Variants in KCNQ1 observed in about 807,000 individuals in gnomAD.
KCNQ1 encodes potassium voltage-gated channel subfamily Q member 1.
In KCNQ1, 49 loss-of-function variants were observed where a neutral mutation model predicts 72.4. That is an observed-to-expected ratio of 0.68 (90% CI 0.54 to 0.86). The LOEUF (loss-of-function observed/expected upper bound fraction) is 0.86. Ranked by LOEUF, KCNQ1 falls within the 40% of genes least tolerant of loss-of-function variation. The pLI, the probability that KCNQ1 is intolerant of heterozygous loss-of-function variation, is 0.00. For synonymous variants in KCNQ1, 450 were observed against 412.6 expected (o/e 1.09, Z -1.10); for missense variants, 790 against 945.1 (o/e 0.84, Z 2.15).
intron 1 of KCNQ1, among the ~76,000 whole-genome samples, chr11:2,500,995 A>G (rs1206748466): frequency 6.6e-6 from 1 of 152,210 alleles, no homozygotes; most frequent in Admixed American, 6.5e-5. Context: ...CATGTTCTGC[A>G]CATGTACCCC....
In KCNQ1 at chr11:2,787,584, A is replaced by G. The variant is rs1222808830; in HGVS notation, c.1794+9547A>G. On this transcript the variant is annotated intron_variant, in intron 15 of 15. Coordinates refer to ENST00000155840, the MANE Select transcript of KCNQ1 (RefSeq NM_000218.3). This position sits in a 1 kb window ranked among gnomAD's most constrained non-coding sequence, Gnocchi z 6.3. ...AAAGAAATAAGTAAAATTGATTACA[A>G]TAATATATTTTATTTAACCCAATAG... Among the ~76,000 whole-genome samples the G allele has an allele frequency of 6.6e-6, 1 of 152,226 alleles. No homozygotes were observed. Among genetic ancestry groups the G allele is most frequent in the Admixed American group, 6.5e-5 (1 of 15,286 alleles).
intron 11 of KCNQ1, among the ~76,000 whole-genome samples, chr11:2,731,899 G>C (rs929676177): frequency 2.0e-5 from 3 of 152,350 alleles, no homozygotes; most frequent in East Asian, 1.9e-4. Context: ...AATTCTGAGG[G>C]CCCTTTGGAT....
rs534764533 is a variant in KCNQ1 at position 2,549,517 on chromosome 11, G to A, written c.478-21111G>A. Among the ~76,000 whole-genome samples the A allele has an allele frequency of 4.4e-4, 67 of 152,310 alleles. No homozygotes were observed. The highest frequency in any genetic ancestry group is 1.4e-3 in the African/African-American group (59 of 41,568). ...CCCCCGGGGGCTGCAAAAGCAGAGG[G>A]AGTGGAGTGTCACCGGGTGTCCCGG... On this transcript the variant is annotated intron_variant, in intron 2 of 15. Coordinates refer to ENST00000155840, the MANE Select transcript of KCNQ1 (RefSeq NM_000218.3). The surrounding 1 kb of genome is among the most constrained non-coding windows in gnomAD (Gnocchi z 6.2).
At chr11:2,662,457 G>A (rs1055270971) in intron 11 of KCNQ1, 17 of 478,162 alleles carry the variant, frequency 3.6e-5, no homozygotes, top group Admixed American at 3.7e-5. Flanking sequence ...AAGCCATGGG[G>A]CAGATGCCGG....
At chr11:2,843,766 C>T (rs566390974) in intron 15 of KCNQ1, among the ~76,000 whole-genome samples, 19 of 152,376 alleles carry the variant, frequency 1.2e-4, no homozygotes, top group African/African-American at 3.8e-4. Flanking sequence ...GATCGCCGGC[C>T]GCCCGGGGCT....
rs1849663807 is a variant in KCNQ1, at chr11:2,646,257, T to C, written c.1394-15704T>C. On this transcript the variant is annotated intron_variant, in intron 10 of 15. Transcript: ENST00000155840. The stretch of plus-strand genomic sequence containing the variant: ...AGCCATCTTGAAGCCCCTGCTGATA[T>C]CTGGATAGGGATTTCATAGCATCTG... 6 of 398,538 alleles carry C rather than the reference T, an allele frequency of 1.5e-5. No individual in the cohort carries two copies. The East Asian group carries it at 1.8e-4, about 12-fold the overall frequency. The allele number at this position is 398,538 out of a possible 1,614,324, so 24.7% of individuals were successfully genotyped here.
intron 12 of KCNQ1, among the ~76,000 whole-genome samples, chr11:2,774,334 C>A (rs35930962): frequency 6.6e-6 from 1 of 152,198 alleles, no homozygotes; most frequent in East Asian, 1.9e-4. Flanking sequence ...TGGGCAATGC[C>A]GGCGATCCTG....
At chr11:2,681,148 G>A (rs1590028353) in intron 11 of KCNQ1, 1 of 398,560 alleles carries the variant, frequency 2.5e-6, no homozygotes, top group East Asian at 3.6e-5. Context: ...TTCTTACATA[G>A]CAATTCTACT....
At position 2,816,684 on chromosome 11, in the gene KCNQ1, C is replaced by G. The variant is rs569729782; in HGVS notation, c.1795-31083C>G. Among the ~76,000 whole-genome samples, 1 of 152,218 alleles carries G rather than the reference C, an allele frequency of 6.6e-6. No individual in the cohort carries two copies. The highest frequency in any genetic ancestry group is 6.5e-5 in the Admixed American group (1 of 15,300). ...CATTAAGGGAGAAATGCACTTGCTGCTCCTGGAACATTCTGGCTCACTCCC... is the reference window on the plus strand; with the variant it reads ...CATTAAGGGAGAAATGCACTTGCTGGTCCTGGAACATTCTGGCTCACTCCC... On this transcript the variant is annotated intron_variant, in intron 15 of 15. Transcript: ENST00000155840. This position sits in a 1 kb window ranked among gnomAD's most constrained non-coding sequence, Gnocchi z 6.8.
Position 2,508,517 on chromosome 11 carries a change from T to A in KCNQ1, c.387-19411T>A, listed in dbSNP as rs564860791. Among the ~76,000 whole-genome samples, 6 of 152,020 alleles carry A rather than the reference T, an allele frequency of 3.9e-5. No individual in the cohort carries two copies. The highest frequency in any genetic ancestry group is 1.4e-4 in the African/African-American group (6 of 41,462). On this transcript the variant is annotated intron_variant, in intron 1 of 15. Transcript: ENST00000155840. The surrounding 1 kb of genome is among the most constrained non-coding windows in gnomAD (Gnocchi z 6.2). The stretch of plus-strand genomic sequence containing the variant: ...CTGTCATGCAGAGAGGGTGATGATA[T>A]AACCAGCTGGGTGTTCGCACCTGAG...
chr11:2,769,015 G>C lies in KCNQ1; in HGVS notation c.1590+96G>C. 9.1e-7 allele frequency: 1 copy of C among 1,095,964 alleles called. No individual in the cohort carries two copies. Among genetic ancestry groups the C allele is most frequent in the Non-Finnish European group, 1.4e-6 (1 of 720,174 alleles). 67.9% of individuals were successfully genotyped at this position (1,095,964 alleles called of 1,614,324 possible). ...CCTGGGTTCTCTCCTGCCCATAGTG[G>C]AGGGTGTCAAGGCCTCCGCCCCCAA... On this transcript the variant is annotated intron_variant, in intron 12 of 15. Coordinates refer to ENST00000155840, the MANE Select transcript of KCNQ1 (RefSeq NM_000218.3). This position sits in a 1 kb window ranked among gnomAD's most constrained non-coding sequence, Gnocchi z 4.6.
At chr11:2,747,964 A>G (rs2133959336) in intron 11 of KCNQ1, among the ~76,000 whole-genome samples, 1 of 152,258 alleles carries the variant, frequency 6.6e-6, no homozygotes, top group Middle Eastern at 3.4e-3. Context: ...CGTCTTGAAA[A>G]CAGACCAGAA....
chr11:2,779,605 T>G (rs1307018893), intron 15 of KCNQ1, among the ~76,000 whole-genome samples: 2 of 152,266 alleles, frequency 1.3e-5, no homozygotes, highest in East Asian at 3.9e-4. Flanking sequence ...TTGCCTACAC[T>G]ACTGTCCCAG....
At chr11:2,636,524 A>G (rs1211872389) in intron 10 of KCNQ1, 2 of 152,196 alleles carry the variant, frequency 1.3e-5, no homozygotes, top group African/African-American at 4.8e-5. Flanking sequence ...CTTGCATCCC[A>G]GGGATGAAGC....
At chr11:2,833,262 G>A (rs778874369) in intron 15 of KCNQ1, among the ~76,000 whole-genome samples, 11 of 152,152 alleles carry the variant, frequency 7.2e-5, no homozygotes, top group African/African-American at 1.9e-4. Context: ...CCTGAGGGAC[G>A]GGAGGCCTGT....
rs397508072 is a variant in KCNQ1 at position 2,585,245 on chromosome 11, C to T, written c.1066C>T (p.Gln356Ter). The T allele has an allele frequency of 6.8e-6, 11 of 1,614,080 alleles. No individual in the cohort carries two copies. Among genetic ancestry groups the T allele is most frequent in the Non-Finnish European group, 8.5e-6 (10 of 1,180,008 alleles). ...TGGCTCGGGGTTTGCCCTGAAGGTG[C>T]AGCAGAAGCAGAGGCAGAAGCACTT... ...ILGSGFALKV[Q>*]QKQRQKHFNR... Residue 356 changes from glutamine to a stop codon, truncating the protein, a stop_gained, in exon 8 of 16, where the codon CAG becomes TAG. Coordinates refer to ENST00000155840, the MANE Select transcript of KCNQ1 (RefSeq NM_000218.3). LOFTEE classifies it high-confidence loss of function.
chr11:2,732,503 C>T (rs1845872551), intron 11 of KCNQ1, among the ~76,000 whole-genome samples: 1 of 152,192 alleles, frequency 6.6e-6, no homozygotes, highest in Non-Finnish European at 1.5e-5. Flanking sequence ...CTTCTCTCCC[C>T]GTGCCAAGGC....
In KCNQ1 at chr11:2,745,100, C is replaced by G. The variant is rs749240075; in HGVS notation, c.1515-23744C>G. 1.3e-5 allele frequency among the ~76,000 whole-genome samples: 2 copies of G among 152,192 alleles called. No homozygotes were observed. The highest frequency in any genetic ancestry group is 2.9e-5 in the Non-Finnish European group (2 of 68,036). ...CCTAAACCCCTATTTATAATAATCT[C>G]TTTTTAAGTTTGACTTATCTGTTTG... On this transcript the variant is annotated intron_variant, in intron 11 of 15. Coordinates refer to ENST00000155840, the MANE Select transcript of KCNQ1 (RefSeq NM_000218.3). This position sits in a 1 kb window ranked among gnomAD's most constrained non-coding sequence, Gnocchi z 6.2.
rs1411929332 is a variant in KCNQ1, at chr11:2,515,546, C to T, written c.387-12382C>T. ...GGGTGAGGGGACAAGGCTGCTGGGA[C>T]CAGGCCTCGCCCAGGCAGAGCCTCG... is the stretch of plus-strand genomic sequence containing the variant. On this transcript the variant is annotated intron_variant, in intron 1 of 15. Coordinates refer to ENST00000155840, the MANE Select transcript of KCNQ1 (RefSeq NM_000218.3). The surrounding 1 kb of genome is among the most constrained non-coding windows in gnomAD (Gnocchi z 4.7). Among the ~76,000 whole-genome samples the T allele has an allele frequency of 6.6e-6, 1 of 152,138 alleles. No individual in the cohort carries two copies. Among genetic ancestry groups the T allele is most frequent in the Non-Finnish European group, 1.5e-5 (1 of 68,016 alleles).
Sources: allele counts gnomAD v4.1 joint callset (sites outside exome capture counted in the v4.1 genomes callset), GRCh38; gene constraint gnomAD v4.1.1; non-coding constraint Gnocchi (gnomAD v3.1); transcripts MANE v1.5; gene names NCBI Gene and HGNC (gene_info 2026-07-23, HGNC 2026-07-21).